DMXL2: variants seen among roughly 807,000 people sequenced by gnomAD.
DMXL2 encodes dmX-like protein 2.
In DMXL2, 103 loss-of-function variants were observed where a neutral mutation model predicts 331.1. The observed-to-expected ratio is 0.31, with a 90% CI of 0.27 to 0.37. The LOEUF (loss-of-function observed/expected upper bound fraction) is 0.37, where lower values mean the gene tolerates loss of function less well. Among genes scored for constraint, DMXL2 ranks in the 10% least tolerant of loss-of-function variants. The probability of loss-of-function intolerance (pLI) is 1.00; values close to 1 mark genes in which losing one functional copy is unlikely to be tolerated. For synonymous variants in DMXL2, 1,281 were observed against 1,252.1 expected, an observed-to-expected ratio of 1.02 and a Z score of -0.49; for missense variants, 3,171 against 3,642.9, an observed-to-expected ratio of 0.87 and a Z score of 3.33.
In DMXL2 at chr15:51,576,084, C is replaced by G; in HGVS notation, c.185G>C (p.Cys62Ser). 2.5e-6 allele frequency: 4 copies of G among 1,585,424 alleles called. No individual in the cohort carries two copies. The highest frequency in any genetic ancestry group is 3.4e-6 in the Non-Finnish European group (4 of 1,163,748). The change falls in exon 2 of 44, where the codon TGT (cysteine) becomes TCT (serine). Residue 62 changes from cysteine to serine, a missense_variant. Transcript: ENST00000560891. ...GAKHGNIQVS[C>S]VECSNQQGRI... ...TCCTTGTTGGTTAGAACACTCCACA[C>G]AGCTGACTTGGATGTTTCCATGCTT...
intron 19 of DMXL2, 23 bp from the exon 20 acceptor site, chr15:51,491,770 T>C: frequency 7.6e-6 from 12 of 1,580,770 alleles, no homozygotes; most frequent in Non-Finnish European, 1.0e-5. Context: ...TATAAAATAA[T>C]AATCTGCGTA....
chr15:51,619,478 T>C (rs751543637), intron 1 of DMXL2, among the ~76,000 whole-genome samples: 3 of 152,200 alleles, frequency 2.0e-5, no homozygotes, highest in Admixed American at 6.5e-5. Context: ...TCAGCTGAGA[T>C]TGTCCACTAC....
chr15:51,542,626 A>G, intron 8 of DMXL2, 119 bp from the exon 9 acceptor site: 1 of 706,506 alleles, frequency 1.4e-6, no homozygotes, highest in Non-Finnish European at 2.2e-6. Flanking sequence ...TGATCATTTT[A>G]AAGGAAACTT....
At chr15:51,519,401 AACC>A (rs1459649175) in intron 13 of DMXL2, among the ~76,000 whole-genome samples, 3 of 152,120 alleles carry the variant, frequency 2.0e-5, no homozygotes, top group Non-Finnish European at 4.4e-5. Flanking sequence ...TACAGGCATA[AACC>A]ACCACACCTG....
intron 13 of DMXL2, among the ~76,000 whole-genome samples, chr15:51,519,635 T>C (rs1049625380): frequency 6.7e-6 from 1 of 148,290 alleles, no homozygotes; most frequent in African/African-American, 2.5e-5. Flanking sequence ...CAAAGTCTCT[T>C]GTTTTTTTTT....
chr15:51,503,807 A>C (rs1291030050), intron 16 of DMXL2, among the ~76,000 whole-genome samples: 1 of 152,210 alleles, frequency 6.6e-6, no homozygotes, highest in Non-Finnish European at 1.5e-5. Context: ...GCATGTATAA[A>C]AATATCACAT....
intron 33 of DMXL2, among the ~76,000 whole-genome samples, chr15:51,461,761 A>C (rs1166975995): frequency 6.6e-6 from 1 of 152,164 alleles, no homozygotes; most frequent in Non-Finnish European, 1.5e-5. Context: ...CCATGTTGCC[A>C]AGCTGGTCTC....
At chr15:51,568,959 G>C (rs990212351) in intron 2 of DMXL2, among the ~76,000 whole-genome samples, 2 of 152,174 alleles carry the variant, frequency 1.3e-5, no homozygotes, top group African/African-American at 2.4e-5. Context: ...CGCAGAGGTT[G>C]AGCTGAAGCA....
intron 24 of DMXL2, 128 bp from the exon 25 acceptor site, chr15:51,480,267 T>C (rs1595953634): frequency 2.0e-6 from 2 of 981,274 alleles, no homozygotes; most frequent in African/African-American, 1.6e-5. Context: ...CACAAATTTA[T>C]TGAGCACCCA....
intron 1 of DMXL2, among the ~76,000 whole-genome samples, chr15:51,614,692 T>G (rs1473061088): frequency 3.3e-5 from 5 of 152,242 alleles, no homozygotes; most frequent in African/African-American, 4.8e-5. Flanking sequence ...TTCCATTTAC[T>G]AATTTATTGA....
chr15:51,522,541 G>A (rs957437257), intron 13 of DMXL2, among the ~76,000 whole-genome samples: 5 of 152,308 alleles, frequency 3.3e-5, no homozygotes, highest in African/African-American at 1.2e-4. Flanking sequence ...CTACTCAGGA[G>A]GCTGAGGCAC....
intron 3 of DMXL2, among the ~76,000 whole-genome samples, chr15:51,566,229 T>TGGGG (rs930614547): frequency 8.7e-6 from 1 of 115,528 alleles, no homozygotes; most frequent in African/African-American, 3.2e-5. Context: ...AATGTGTGTG[T>TGGGG]GGGGTGTGTG....
chr15:51,606,339 C>T (rs1172026541), intron 1 of DMXL2, among the ~76,000 whole-genome samples: 1 of 152,084 alleles, frequency 6.6e-6, no homozygotes, highest in Non-Finnish European at 1.5e-5. Flanking sequence ...TCCCGAGTAG[C>T]TGGGACGACG....
intron 20 of DMXL2, among the ~76,000 whole-genome samples, chr15:51,490,070 A>C (rs1212847235): frequency 6.6e-6 from 1 of 152,228 alleles, no homozygotes; most frequent in Non-Finnish European, 1.5e-5. Context: ...TATATCCTTT[A>C]ACAATTAACT....
Position 51,466,235 on chromosome 15 carries a change from G to T in DMXL2, c.7469C>A (p.Ala2490Asp). Residue 2490 changes from alanine (A) to aspartate (D), a missense_variant, in exon 30 of 44, where the codon GCC becomes GAC. By Grantham distance (126) the Ala-to-Asp change is moderately radical. Transcript: ENST00000560891. ...ESIHSDEEDD[A>D]FFSDTQIQEH... ...CTGTATTTGTGTATCTGAAAAAAAGGCATCATCTTCTTCATCACTATGAAT... is the reference window on the plus strand; with the variant it reads ...CTGTATTTGTGTATCTGAAAAAAAGTCATCATCTTCTTCATCACTATGAAT... 5 of 1,579,200 alleles carry T rather than the reference G, an allele frequency of 3.2e-6. No homozygotes were observed. The highest frequency in any genetic ancestry group is 4.3e-6 in the Non-Finnish European group (5 of 1,166,656).
intron 1 of DMXL2, among the ~76,000 whole-genome samples, chr15:51,601,147 C>T (rs993815597): frequency 3.3e-5 from 5 of 151,818 alleles, no homozygotes; most frequent in African/African-American, 9.7e-5. Flanking sequence ...AAAAATTAGC[C>T]GGGCGTGGTG....
At chr15:51,585,520 C>T (rs915454490) in intron 1 of DMXL2, among the ~76,000 whole-genome samples, 2 of 152,084 alleles carry the variant, frequency 1.3e-5, no homozygotes, top group African/African-American at 2.4e-5. Context: ...AACAATGCTT[C>T]GATGAACATG....
intron 37 of DMXL2, 126 bp downstream of exon 37, chr15:51,457,202 G>A (rs1483530427): frequency 1.0e-6 from 1 of 992,024 alleles, no homozygotes; most frequent in East Asian, 2.7e-5. Flanking sequence ...AATGTCAGCT[G>A]TCATTATCAT....
chr15:51,500,175 T>C lies in DMXL2; in HGVS notation c.3049A>G (p.Thr1017Ala). Residue 1017 changes from threonine (T) to alanine (A), a missense_variant, in exon 18 of 44, where the codon ACA (threonine) becomes GCA (alanine). Transcript: ENST00000560891. ...CGTACTTTATTGTCAGAACAAGTTG[T>C]AACCACTAAATAAGGTGCAAGGCAC... Reference protein sequence around the residue: ...PVCLAPYLVVTTCSDNKVRFW... With the variant: ...PVCLAPYLVVATCSDNKVRFW... 2 of 1,614,142 alleles carry C rather than the reference T, an allele frequency of 1.2e-6. No individual in the cohort carries two copies. Among genetic ancestry groups the C allele is most frequent in the Non-Finnish European group, 1.7e-6 (2 of 1,179,984 alleles).
Sources: allele counts gnomAD v4.1 joint callset (sites outside exome capture counted in the v4.1 genomes callset), GRCh38; gene constraint gnomAD v4.1.1; transcripts MANE v1.5; gene names NCBI Gene and HGNC (gene_info 2026-07-23, HGNC 2026-07-21).